Variants in KLF12 observed in about 807,000 individuals in gnomAD.
The protein encoded by KLF12 is Krueppel-like factor 12.
Under a neutral mutation model 37.8 loss-of-function variants are expected in KLF12, and 9 were observed. The observed-to-expected ratio is 0.24, with a 90% confidence interval of 0.14 to 0.42. KLF12 has a LOEUF of 0.42. Among genes scored for constraint, KLF12 ranks in the 10% least tolerant of loss-of-function variants. KLF12 has a pLI of 1.00. For missense variants in KLF12, 411 were observed against 516.0 expected (o/e 0.80, Z 1.97); for synonymous variants, 208 against 202.1 (o/e 1.03, Z -0.25).
intron 3 of KLF12, among the ~76,000 whole-genome samples, chr13:73,856,431 T>C: frequency 6.6e-6 from 1 of 152,224 alleles, no homozygotes; most frequent in Non-Finnish European, 1.5e-5. Context: ...TAAGGAATCC[T>C]GTTGAACTGT....
At chr13:74,275,897 CT>C in the KLF12 span, among the ~76,000 whole-genome samples, 6 of 127,538 alleles carry the variant, frequency 4.7e-5, no homozygotes, top group South Asian at 2.6e-4. Flanking sequence ...TTCTTTCTTT[CT>C]TTCTTTCTTT....
the KLF12 span, among the ~76,000 whole-genome samples, chr13:74,282,061 C>A: frequency 5.9e-5 from 9 of 152,194 alleles, no homozygotes; most frequent in Middle Eastern, 3.4e-3. Flanking sequence ...AGTCAATTAC[C>A]GGAGGAGTTT....
intron 6 of KLF12, among the ~76,000 whole-genome samples, chr13:73,719,878 C>T (rs1876108884): frequency 6.6e-6 from 1 of 152,054 alleles, no homozygotes; most frequent in Non-Finnish European, 1.5e-5. Context: ...GGATTACAGA[C>T]ATAAACCACC....
the KLF12 span, among the ~76,000 whole-genome samples, chr13:74,161,466 T>C: frequency 2.0e-5 from 3 of 151,920 alleles, no homozygotes; most frequent in Admixed American, 6.5e-5. Context: ...AGACAGAAGT[T>C]AGAGTGATGC....
intron 5 of KLF12, among the ~76,000 whole-genome samples, chr13:73,785,759 T>C (rs745708522): frequency 5.3e-5 from 8 of 152,156 alleles, no homozygotes; most frequent in Non-Finnish European, 8.8e-5. Context: ...TTGACTGCTA[T>C]TGCAATCCCT....
At chr13:74,151,669 A>T in the KLF12 span, among the ~76,000 whole-genome samples, 5 of 152,078 alleles carry the variant, frequency 3.3e-5, no homozygotes, top group African/African-American at 1.2e-4. Flanking sequence ...TAAATAAATA[A>T]ATAAATAAGA....
intron 3 of KLF12, among the ~76,000 whole-genome samples, chr13:73,894,391 G>C (rs910888163): frequency 1.3e-5 from 2 of 151,870 alleles, no homozygotes; most frequent in African/African-American, 4.8e-5. Flanking sequence ...GAGCCTGCAG[G>C]GATCTAAGAG....
chr13:73,723,478 G>T (rs1876426960), intron 6 of KLF12, among the ~76,000 whole-genome samples: 1 of 151,150 alleles, frequency 6.6e-6, no homozygotes, highest in Admixed American at 6.6e-5. Flanking sequence ...AGAAGTGATA[G>T]CTTGGTGGAT....
intron 1 of KLF12, among the ~76,000 whole-genome samples, chr13:74,043,205 G>T (rs1893454118): frequency 6.6e-6 from 1 of 152,184 alleles, no homozygotes. Context: ...ATGGTCAGAG[G>T]AAAATAAAGA....
chr13:74,134,026 G>C (rs1450153440), upstream of KLF12, among the ~76,000 whole-genome samples: 2 of 152,090 alleles, frequency 1.3e-5, no homozygotes, highest in South Asian at 2.1e-4. Context: ...AGGCTGCCGA[G>C]TTGCGAGCCC....
At chr13:73,985,951 C>A (rs746763961) in intron 2 of KLF12, among the ~76,000 whole-genome samples, 2 of 152,164 alleles carry the variant, frequency 1.3e-5, no homozygotes, top group Non-Finnish European at 2.9e-5. Flanking sequence ...TAGGTATTAA[C>A]TAAACTTTAA....
At chr13:74,119,832 A>T (rs1391762634) in intron 1 of KLF12, among the ~76,000 whole-genome samples, 1 of 152,166 alleles carries the variant, frequency 6.6e-6, no homozygotes, top group Non-Finnish European at 1.5e-5. Context: ...ACTAAGAAAA[A>T]CAATAAAGCA....
At chr13:74,136,538 G>A (rs1052676873), upstream of KLF12, among the ~76,000 whole-genome samples, 7 of 152,232 alleles carry the variant, frequency 4.6e-5, no homozygotes, top group Non-Finnish European at 1.0e-4. Flanking sequence ...CATCGTGGCA[G>A]TTCTTGTACT....
At chr13:73,761,876 C>T (rs978674791) in intron 6 of KLF12, among the ~76,000 whole-genome samples, 6 of 152,084 alleles carry the variant, frequency 3.9e-5, no homozygotes, top group Admixed American at 2.0e-4. Context: ...TAAAGAGGAG[C>T]GGTCTGATGA....
chr13:74,052,293 CA>C (rs1049212236), intron 1 of KLF12, among the ~76,000 whole-genome samples: 2 of 147,992 alleles, frequency 1.4e-5, no homozygotes, highest in Middle Eastern at 3.6e-3. Flanking sequence ...TAGGTCTCTC[CA>C]AAAAAACTGG....
At chr13:73,878,595 T>G (rs1366689174) in intron 3 of KLF12, among the ~76,000 whole-genome samples, 2 of 152,204 alleles carry the variant, frequency 1.3e-5, no homozygotes, top group Non-Finnish European at 2.9e-5. Context: ...TATTTTGCAG[T>G]CTAACTTCTC....
intron 5 of KLF12, among the ~76,000 whole-genome samples, chr13:73,784,910 AC>A (rs1423146932): frequency 6.6e-6 from 1 of 151,998 alleles, no homozygotes; most frequent in African/African-American, 2.4e-5. Context: ...TGCTGAGATT[AC>A]AGGTGTGAGC....
At chr13:74,005,854 G>A (rs892012897) in intron 1 of KLF12, among the ~76,000 whole-genome samples, 2 of 152,132 alleles carry the variant, frequency 1.3e-5, no homozygotes, top group African/African-American at 4.8e-5. Flanking sequence ...TTACCCATAA[G>A]CTTCAAATTA....
the KLF12 span, among the ~76,000 whole-genome samples, chr13:74,241,940 G>T: frequency 2.0e-5 from 3 of 152,192 alleles, no homozygotes; most frequent in Admixed American, 1.3e-4. Context: ...GACCGGAGCT[G>T]TTCCTATTTG....
Sources: allele counts gnomAD v4.1 joint callset (sites outside exome capture counted in the v4.1 genomes callset), GRCh38; gene constraint gnomAD v4.1.1; transcripts MANE v1.5; gene names NCBI Gene and HGNC (gene_info 2026-07-23, HGNC 2026-07-21).